The following COG5 variants were observed in gnomAD, a reference collection of about 807,000 sequenced individuals.
The protein encoded by COG5 is component of oligomeric golgi complex 5, also known as conserved oligomeric Golgi complex subunit 5.
A neutral mutation model predicts 110.4 loss-of-function variants in COG5; 86 were observed. The observed-to-expected ratio is 0.78, with a 90% CI of 0.65 to 0.93. The LOEUF (loss-of-function observed/expected upper bound fraction) is 0.93. Among genes scored for constraint, COG5 ranks in the 40% least tolerant of loss-of-function variants. The pLI is 0.00. For missense variants in COG5, 1,077 were observed against 987.0 expected (o/e 1.09, Z -1.22); for synonymous variants, 360 against 334.6 (o/e 1.08, Z -0.83).
At chr7:107,398,650 C>G (rs1442529165) in intron 7 of COG5, among the ~76,000 whole-genome samples, 1 of 152,028 alleles carries the variant, frequency 6.6e-6, no homozygotes, top group Non-Finnish European at 1.5e-5. Context: ...CTGCATACAA[C>G]AAAATGGATC....
rs903381664 is a variant in COG5, at chr7:107,343,618, T to C, written c.1026+18415A>G. 1.8e-4 allele frequency among the ~76,000 whole-genome samples: 28 copies of C among 152,082 alleles called. 2 individuals carry two copies. The highest frequency in any genetic ancestry group is 3.3e-4 in the Admixed American group (5 of 15,276). ...ATCAGTTAAGCCTGGGAGGCAGAGA[T>C]TGCAGCGAGCTGACGTCGCACCACT... On this transcript the variant is annotated intron_variant, in intron 10 of 21. Transcript: ENST00000297135.
In COG5 at chr7:107,236,445, T is replaced by A; in HGVS notation, c.2091+5A>T. 6.2e-6 allele frequency: 10 copies of A among 1,602,158 alleles called. No individual in the cohort carries two copies. Among genetic ancestry groups the A allele is most frequent in the Non-Finnish European group, 8.6e-6 (10 of 1,169,060 alleles). On this transcript the variant is annotated splice_donor_5th_base_variant and intron_variant, in intron 18 of 21. Transcript: ENST00000297135. Reference sequence around the variant, plus strand: ...TTTTTCTTTTGTAGTAATTCATCAATGTACCTGTGCAAAATCAGCAGCAAG... The same window carrying A: ...TTTTTCTTTTGTAGTAATTCATCAAAGTACCTGTGCAAAATCAGCAGCAAG...
intron 6 of COG5, among the ~76,000 whole-genome samples, chr7:107,520,354 T>C (rs1051737452): frequency 1.3e-5 from 2 of 152,176 alleles, no homozygotes; most frequent in East Asian, 1.9e-4. Context: ...GGAAGTCAAA[T>C]TGTCTGTTTC....
chr7:107,420,805 A>G (rs1468204750), intron 6 of COG5, among the ~76,000 whole-genome samples: 2 of 152,206 alleles, frequency 1.3e-5, no homozygotes, highest in African/African-American at 2.4e-5. Context: ...ATACCATCAC[A>G]TAAACTATGC....
At chr7:107,479,535 CAG>C (rs1291870115) in intron 6 of COG5, among the ~76,000 whole-genome samples, 1 of 151,980 alleles carries the variant, frequency 6.6e-6, no homozygotes, top group Non-Finnish European at 1.5e-5. Context: ...AACGTGAAGG[CAG>C]AGTCAATATT....
chr7:107,262,002 T>C (rs2116652018), intron 14 of COG5, among the ~76,000 whole-genome samples: 1 of 152,090 alleles, frequency 6.6e-6, no homozygotes, highest in South Asian at 2.1e-4. Context: ...GTGATTCTTG[T>C]GCCTCAGCCT....
chr7:107,412,077 C>T (rs1188569957), intron 7 of COG5, among the ~76,000 whole-genome samples: 1 of 152,142 alleles, frequency 6.6e-6, no homozygotes, highest in East Asian at 1.9e-4. Flanking sequence ...TGAATCCAAA[C>T]TAAATAATTT....
intron 7 of COG5, among the ~76,000 whole-genome samples, chr7:107,384,685 T>A (rs948153162): frequency 6.6e-6 from 1 of 152,102 alleles, no homozygotes; most frequent in Non-Finnish European, 1.5e-5. Context: ...ATGGGATCAG[T>A]ACCCTAAGAA....
At chr7:107,482,425 T>C (rs1434618898) in intron 6 of COG5, among the ~76,000 whole-genome samples, 1 of 152,102 alleles carries the variant, frequency 6.6e-6, no homozygotes, top group African/African-American at 2.4e-5. Context: ...GGATTACAGG[T>C]GTGAGCCACC....
intron 6 of COG5, among the ~76,000 whole-genome samples, chr7:107,485,817 A>G (rs140215305): frequency 1.3e-5 from 2 of 152,304 alleles, no homozygotes; most frequent in South Asian, 2.1e-4. Flanking sequence ...CAATGTCACA[A>G]AGCAAAATAT....
chr7:107,365,961 T>C (rs907732822), intron 8 of COG5, among the ~76,000 whole-genome samples: 3 of 152,130 alleles, frequency 2.0e-5, no homozygotes, highest in Non-Finnish European at 4.4e-5. Flanking sequence ...AGCTAGCACT[T>C]TTCAATGATG....
intron 12 of COG5, among the ~76,000 whole-genome samples, chr7:107,284,517 A>T (rs147530613): frequency 5.9e-5 from 9 of 152,298 alleles, no homozygotes; most frequent in South Asian, 2.1e-4. Context: ...AGGTTTTTAC[A>T]TTTTCCATTT....
chr7:107,335,525 C>T (rs186853603), intron 10 of COG5, among the ~76,000 whole-genome samples: 56 of 152,024 alleles, frequency 3.7e-4, no homozygotes, highest in Non-Finnish European at 3.7e-4. Flanking sequence ...ATTACTTAAG[C>T]GCTAACAAAA....
chr7:107,440,837 T>C (rs541506194), intron 6 of COG5, among the ~76,000 whole-genome samples: 5 of 152,332 alleles, frequency 3.3e-5, no homozygotes, highest in South Asian at 2.1e-4. Flanking sequence ...TCCCCCATAC[T>C]ATGCTCTATA....
chr7:107,282,840 C>T (rs767244975), intron 13 of COG5, among the ~76,000 whole-genome samples: 3 of 152,122 alleles, frequency 2.0e-5, no homozygotes, highest in Non-Finnish European at 4.4e-5. Flanking sequence ...CTTACTCTTC[C>T]ACGCCTCAGA....
At chr7:107,333,422 AC>A (rs1410167062) in intron 10 of COG5, among the ~76,000 whole-genome samples, 1 of 152,170 alleles carries the variant, frequency 6.6e-6, no homozygotes, top group Admixed American at 6.5e-5. Flanking sequence ...TACACACACT[AC>A]AGAGCAAAAT....
intron 7 of COG5, among the ~76,000 whole-genome samples, chr7:107,377,799 A>C (rs1230686047): frequency 1.3e-5 from 2 of 152,208 alleles, no homozygotes; most frequent in Non-Finnish European, 2.9e-5. Flanking sequence ...AGCCCCAGTC[A>C]GGGGCTTATA....
chr7:107,226,591 G>T (rs1000132993), intron 19 of COG5, among the ~76,000 whole-genome samples: 1 of 152,246 alleles, frequency 6.6e-6, no homozygotes, highest in African/African-American at 2.4e-5. Context: ...CAACTGCAAA[G>T]AAGCTGGCAG....
At chr7:107,218,007 G>A (rs945296024) in intron 19 of COG5, among the ~76,000 whole-genome samples, 2 of 151,906 alleles carry the variant, frequency 1.3e-5, no homozygotes, top group Admixed American at 6.6e-5. Flanking sequence ...AAAGGAATAA[G>A]GTCCCAGGAT....
Sources: gnomAD v4.1 joint callset for allele counts (sites outside exome capture counted in the v4.1 genomes callset) on GRCh38, gnomAD v4.1.1 for gene constraint, MANE v1.5 for transcripts, NCBI Gene and HGNC (gene_info 2026-07-23, HGNC 2026-07-21) for gene names.